INTS2: variants seen among roughly 807,000 people sequenced by gnomAD.
The protein encoded by INTS2 is KIAA1287.
In INTS2, 57 loss-of-function variants were observed where a neutral mutation model predicts 139.6. The ratio of observed to expected loss-of-function variants is 0.41; its 90% confidence interval spans 0.33 to 0.51. INTS2 has a LOEUF of 0.51. Among genes scored for constraint, INTS2 ranks in the 20% least tolerant of loss-of-function variants. The pLI is 0.28. For synonymous variants in INTS2, 473 were observed against 493.4 expected, an observed-to-expected ratio of 0.96 and a Z score of 0.55; for missense variants, 1,196 against 1,436.7, an observed-to-expected ratio of 0.83 and a Z score of 2.71.
intron 1 of INTS2, chr17:61,927,224 T>C (rs989487679): frequency 1.3e-4 from 21 of 167,044 alleles, no homozygotes; most frequent in African/African-American, 4.6e-4. Flanking sequence ...CAATGCCAGA[T>C]TCAAGGCTCT....
chr17:61,897,341 G>T lies in INTS2; in HGVS notation c.1494+128C>A. On this transcript the variant is annotated intron_variant, in intron 11 of 24. Transcript: ENST00000251334. The surrounding 1 kb of genome is among the most constrained non-coding windows in gnomAD (Gnocchi z 4.4). ...CAGGTTTCAAAATGCATTTTTCTAA[G>T]CGCTCTTGATAAAACTTCTATTAAA... 1.7e-6 allele frequency: 1 copy of T among 577,986 alleles called. No homozygotes were observed. Among genetic ancestry groups the T allele is most frequent in the South Asian group, 2.9e-5 (1 of 34,714 alleles). 35.8% of individuals were successfully genotyped at this position (577,986 alleles called of 1,614,324 possible).
At chr17:61,881,202 C>A (rs978997079) in intron 16 of INTS2, 31 bp from the exon 17 acceptor site, 12 of 1,577,548 alleles carry the variant, frequency 7.6e-6, no homozygotes, top group Non-Finnish European at 1.0e-5. Flanking sequence ...CAATTGGATT[C>A]TTCATGCTCA....
At chr17:61,883,421 A>G (rs547925979) in intron 16 of INTS2, among the ~76,000 whole-genome samples, 1 of 151,894 alleles carries the variant, frequency 6.6e-6, no homozygotes, top group African/African-American at 2.4e-5. Context: ...ACGATGAGCA[A>G]TGAAGGCTCA....
chr17:61,927,949 A>G lies in INTS2; in HGVS notation c.-314T>C, dbSNP rs1056384916. 5 of 1,613,798 alleles carry G rather than the reference A, an allele frequency of 3.1e-6. 1 individual carries two copies. Among genetic ancestry groups the G allele is most frequent in the African/African-American group, 2.7e-5 (2 of 74,916 alleles). ...GCACCCAGCACCTTCATTCATCCCC[A>G]GCGTCTGACTCCCGTCGGCCACCGT... On this transcript the variant is annotated 5_prime_UTR_variant, in exon 1 of 25. Coordinates refer to ENST00000251334, the MANE Select transcript of INTS2 (RefSeq NM_001351695.2).
intron 3 of INTS2, among the ~76,000 whole-genome samples, chr17:61,922,511 CATATATATATATATAT>C (rs60100593): frequency 1.1e-3 from 82 of 73,192 alleles, no homozygotes; most frequent in South Asian, 4.1e-3. Context: ...AACAAACAAA[CATATATATATATATAT>C]ATATATATAT....
In INTS2 at chr17:61,897,422, C is replaced by T. The variant is rs1023181953; in HGVS notation, c.1494+47G>A. On this transcript the variant is annotated intron_variant, in intron 11 of 24. Transcript: ENST00000251334. This position sits in a 1 kb window ranked among gnomAD's most constrained non-coding sequence, Gnocchi z 4.4. ...ATTTACACTACAACAAAATGTCCAG[C>T]TTAGAAACACCTTTTTTTTTTTAGA... is the stretch of plus-strand genomic sequence containing the variant. 7.7e-6 allele frequency: 9 copies of T among 1,162,732 alleles called. No individual in the cohort carries two copies. The highest frequency in any genetic ancestry group is 1.1e-5 in the Non-Finnish European group (9 of 819,394). 72.0% of individuals were successfully genotyped at this position (1,162,732 alleles called of 1,614,324 possible).
Position 61,872,521 on chromosome 17 carries a change from C to A in INTS2, c.2583-61G>T, listed in dbSNP as rs1400829748. ...AAAGAATATAAATTTATAAATTAGCCAGAACATGATCAATTTAGTTTAAAT... is the reference window on the plus strand; with the variant it reads ...AAAGAATATAAATTTATAAATTAGCAAGAACATGATCAATTTAGTTTAAAT... On this transcript the variant is annotated intron_variant, in intron 19 of 24. Coordinates refer to ENST00000251334, the MANE Select transcript of INTS2 (RefSeq NM_001351695.2). This position sits in a 1 kb window ranked among gnomAD's most constrained non-coding sequence, Gnocchi z 4.8. 4 of 1,137,806 alleles carry A rather than the reference C, an allele frequency of 3.5e-6. No homozygotes were observed. The highest frequency in any genetic ancestry group is 1.9e-5 in the South Asian group (1 of 51,964). The allele number at this position is 1,137,806 out of a possible 1,614,324, so 70.5% of individuals were successfully genotyped here.
rs761837152 is a variant in INTS2 at position 61,891,555 on chromosome 17, G to C, written c.1833C>G (p.Val611=). 13 of 1,613,650 alleles carry C rather than the reference G, an allele frequency of 8.1e-6. No homozygotes were observed. Among genetic ancestry groups the C allele is most frequent in the Admixed American group, 3.3e-5 (2 of 59,990 alleles). ...AAATATTGAGTATCTCCTGTTCTGT[G>C]ACTGGCTGATTTGTGGCTTCTGGAT... The part of the protein sequence containing the change: ...KSNPEATNQP[V]TEQEILNIFQ... The change falls in exon 14 of 25, where the codon GTC becomes GTG. Residue 611 remains valine (V), a synonymous_variant. Coordinates refer to ENST00000251334, the MANE Select transcript of INTS2 (RefSeq NM_001351695.2).
intron 3 of INTS2, among the ~76,000 whole-genome samples, chr17:61,924,655 C>G (rs1462326373): frequency 6.6e-6 from 1 of 152,056 alleles, no homozygotes; most frequent in African/African-American, 2.4e-5. Flanking sequence ...TGGTGAAACC[C>G]CATTTCTACT....
chr17:61,889,180 G>A (rs1045392431), intron 15 of INTS2, among the ~76,000 whole-genome samples: 4 of 150,926 alleles, frequency 2.7e-5, no homozygotes, highest in African/African-American at 9.7e-5. Flanking sequence ...TTCCGCCTCT[G>A]GGTTCAAGGG....
chr17:61,923,863 G>A (rs1390317002), intron 3 of INTS2, among the ~76,000 whole-genome samples: 1 of 152,152 alleles, frequency 6.6e-6, no homozygotes, highest in African/African-American at 2.4e-5. Flanking sequence ...ATGTTGGTCA[G>A]GCTGGTCTTG....
Position 61,877,952 on chromosome 17 carries a change from A to G in INTS2, c.2391T>C (p.Val797=), listed in dbSNP as rs80353909. 1.2e-6 allele frequency: 2 copies of G among 1,613,674 alleles called. No homozygotes were observed. The highest frequency in any genetic ancestry group is 2.7e-5 in the African/African-American group (2 of 74,916). Reference sequence around the variant, plus strand: ...TGACTGTTTGCAGAATTCTCCGTGGAACCCCTGAATTCAATAGCTGGCTCA... The same window carrying G: ...TGACTGTTTGCAGAATTCTCCGTGGGACCCCTGAATTCAATAGCTGGCTCA... The part of the protein sequence containing the change: ...SNMSQLLNSG[V]PRRILQTVNK... Residue 797 remains valine (V), a synonymous_variant, in exon 18 of 25, where the codon GTT becomes GTC. Coordinates refer to ENST00000251334, the MANE Select transcript of INTS2 (RefSeq NM_001351695.2).
chr17:61,885,398 G>T, intron 15 of INTS2: 1 of 159,262 alleles, frequency 6.3e-6, no homozygotes. Context: ...CTTATAAAAA[G>T]AAACTGTAAT....
At chr17:61,915,783 T>C (rs1340069601) in intron 5 of INTS2, among the ~76,000 whole-genome samples, 1 of 143,248 alleles carries the variant, frequency 7.0e-6, no homozygotes, top group Non-Finnish European at 1.5e-5. Flanking sequence ...TGAGCCGAGA[T>C]TGTGCCACTG....
intron 7 of INTS2, 32 bp from the exon 8 acceptor site, chr17:61,907,666 A>C: frequency 6.6e-7 from 1 of 1,521,412 alleles, no homozygotes; most frequent in Non-Finnish European, 8.9e-7. Context: ...AAAGGAAGAA[A>C]GCATGAAGCA....
intron 17 of INTS2, among the ~76,000 whole-genome samples, chr17:61,878,629 AC>A (rs1291427721): frequency 6.9e-6 from 1 of 144,578 alleles, no homozygotes; most frequent in Admixed American, 6.6e-5. Context: ...TTCATAAAGA[AC>A]AAAAATATTT....
chr17:61,902,464 C>T (rs1045661072), intron 9 of INTS2, among the ~76,000 whole-genome samples: 14 of 152,074 alleles, frequency 9.2e-5, no homozygotes, highest in African/African-American at 3.4e-4. Flanking sequence ...ATGTAATATA[C>T]ATACCATAAG....
intron 3 of INTS2, among the ~76,000 whole-genome samples, chr17:61,922,511 CATATATATATATATATATATATAT>C (rs60100593): frequency 4.1e-5 from 3 of 73,198 alleles, no homozygotes; most frequent in Non-Finnish European, 5.6e-5. Context: ...AACAAACAAA[CATATATATATATATATATATATAT>C]ATATATATAT....
intron 9 of INTS2, among the ~76,000 whole-genome samples, chr17:61,903,220 ATT>A (rs61007688): frequency 5.7e-4 from 80 of 141,080 alleles, no homozygotes; most frequent in African/African-American, 2.0e-3. Flanking sequence ...TTTCTTTTTA[ATT>A]TTTTTTTTTT....
Sources: allele counts gnomAD v4.1 joint callset (sites outside exome capture counted in the v4.1 genomes callset), GRCh38; gene constraint gnomAD v4.1.1; non-coding constraint Gnocchi (gnomAD v3.1); transcripts MANE v1.5; gene names NCBI Gene and HGNC (gene_info 2026-07-23, HGNC 2026-07-21).